CRHBP: variants seen among roughly 807,000 people sequenced by gnomAD.
CRHBP encodes corticotropin-releasing hormone-binding protein.
In CRHBP, 19 loss-of-function variants were observed where a neutral mutation model predicts 34.9. The ratio of observed to expected loss-of-function variants is 0.55; its 90% CI spans 0.38 to 0.80. The LOEUF (loss-of-function observed/expected upper bound fraction) is 0.80. Among genes scored for constraint, CRHBP ranks in the 30% least tolerant of loss-of-function variants. The pLI, the probability that CRHBP is intolerant of heterozygous loss-of-function variation, is 0.00. For missense variants in CRHBP, 328 were observed against 409.2 expected (o/e 0.80, Z 1.71); for synonymous variants, 154 against 153.4 (o/e 1.00, Z -0.03).
chr5:76,956,391 C>A (rs1282609038), intron 4 of CRHBP, among the ~76,000 whole-genome samples: 3 of 152,228 alleles, frequency 2.0e-5, no homozygotes, highest in African/African-American at 7.2e-5. Context: ...GATGGACACA[C>A]ACGTAGCTTA....
At chr5:76,953,898 A>C in intron 2 of CRHBP, 131 bp from the exon 3 acceptor site, 1 of 1,258,800 alleles carries the variant, frequency 7.9e-7, no homozygotes, top group South Asian at 1.5e-5. Flanking sequence ...AACCCAGCGC[A>C]GCCTAGGCTG....
chr5:76,969,026 CACACAT>C lies in CRHBP; in HGVS notation c.*147_*152del. ...TTGAGCGCACGCGCGCACACACACA[CACACAT>C]ACACACACGCATTAATTTTTGTACT... On this transcript the variant is annotated 3_prime_UTR_variant, in exon 7 of 7. Transcript: ENST00000274368. The C allele has an allele frequency of 1.3e-6, 1 of 762,174 alleles. No homozygotes were observed. 47.2% of individuals were successfully genotyped at this position (762,174 alleles called of 1,614,324 possible). A position where few individuals can be genotyped will look rare whatever the true frequency, so the allele number is the denominator to read the frequency against.
Position 76,975,861 on chromosome 5 carries a change from T to TATACAC in CRHBP, n.312-503_312-502insTACACA, listed in dbSNP as rs1554043517. Among the ~76,000 whole-genome samples, 15 of 107,234 alleles carry TATACAC rather than the reference T, an allele frequency of 1.4e-4. 1 individual carries two copies. The highest frequency in any genetic ancestry group is 5.3e-4 in the African/African-American group (13 of 24,656). 70.3% of individuals were successfully genotyped at this position (107,234 alleles called of 152,430 possible). A position where few individuals can be genotyped will look rare whatever the true frequency, so the allele number is the denominator to read the frequency against. On this transcript the variant is annotated intron_variant and non_coding_transcript_variant, in intron 2 of 3. Transcript: ENST00000514258. ...ATATATATATACACGCATATATATA[T>TATACAC]ACACACACATATACATGCATATATA...
Position 76,953,075 on chromosome 5 carries a change from T to C in CRHBP, c.-60T>C, listed in dbSNP as rs1745594143. ...CTAGCTCTCAGTCTGCGCGAGGGTG[T>C]AGGAAGGAAAGCCCAGGACCTCCGG... On this transcript the variant is annotated 5_prime_UTR_variant, in exon 1 of 7. Coordinates refer to ENST00000274368, the MANE Select transcript of CRHBP (RefSeq NM_001882.4). 6.4e-7 allele frequency: 1 copy of C among 1,554,234 alleles called. No individual in the cohort carries two copies. Among genetic ancestry groups the C allele is most frequent in the Non-Finnish European group, 8.9e-7 (1 of 1,125,870 alleles).
chr5:76,975,851 C>CAT (rs1488182697), intron 2 of CRHBP, among the ~76,000 whole-genome samples: 9 of 84,348 alleles, frequency 1.1e-4, no homozygotes, highest in African/African-American at 3.7e-4. Context: ...TATATACACG[C>CAT]ATATATATAT....
At chr5:76,956,339 C>T (rs894512389) in intron 4 of CRHBP, among the ~76,000 whole-genome samples, 3 of 152,216 alleles carry the variant, frequency 2.0e-5, no homozygotes, top group Non-Finnish European at 2.9e-5. Context: ...CTCAATGTTA[C>T]CTTCTGATTC....
At chr5:76,955,515 G>A in intron 3 of CRHBP, 138 bp from the exon 4 acceptor site, 2 of 665,168 alleles carry the variant, frequency 3.0e-6, no homozygotes, top group South Asian at 4.1e-5. Context: ...GAAAAGGCGA[G>A]CAGGCAGAGT....
chr5:76,961,710 C>T (rs780645980), intron 5 of CRHBP, among the ~76,000 whole-genome samples: 2 of 152,028 alleles, frequency 1.3e-5, no homozygotes, highest in Non-Finnish European at 2.9e-5. Context: ...CTGTTTAGTT[C>T]CAGTTGTATT....
rs904657188 is a variant in CRHBP, at chr5:76,968,962, C to G, written c.*77C>G. On this transcript the variant is annotated 3_prime_UTR_variant, in exon 7 of 7. Transcript: ENST00000274368. ...CATTGTGTATGATTTTGATGCACAACTAGTTAAAAGCCTTTCATACCAGTC... is the reference window on the plus strand; with the variant it reads ...CATTGTGTATGATTTTGATGCACAAGTAGTTAAAAGCCTTTCATACCAGTC... 1.3e-6 allele frequency: 2 copies of G among 1,526,026 alleles called. No individual in the cohort carries two copies. The highest frequency in any genetic ancestry group is 8.9e-7 in the Non-Finnish European group (1 of 1,118,140). The allele number at this position is 1,526,026 out of a possible 1,614,324, so 94.5% of individuals were successfully genotyped here. A position where few individuals can be genotyped will look rare whatever the true frequency, so the allele number is the denominator to read the frequency against.
chr5:76,968,671 G>A, intron 6 of CRHBP, 57 bp from the exon 7 acceptor site: 1 of 1,529,642 alleles, frequency 6.5e-7, no homozygotes, highest in Non-Finnish European at 8.9e-7. Flanking sequence ...TCATTTAAAT[G>A]ATGACTGTGT....
chr5:76,968,841 C>A lies in CRHBP; in HGVS notation c.925C>A (p.Pro309Thr). Residue 309 changes from proline (P) to threonine (T), a missense_variant, in exon 7 of 7, where the codon CCA becomes ACA. This residue lies in a region of CRHBP where 144 missense variants were observed against 216.7 expected (regional missense o/e 0.66). Transcript: ENST00000274368. ...GCTGGAGCCGTACGAGCTGGAAAAC[C>A]CAAATGGAAACAGTATCGGGGAATT... The part of the protein sequence containing the change: ...RQLEPYELEN[P>T]NGNSIGEFCL... The A allele has an allele frequency of 6.2e-7, 1 of 1,614,036 alleles. No individual in the cohort carries two copies. Among genetic ancestry groups the A allele is most frequent in the African/African-American group, 1.3e-5 (1 of 75,032 alleles).
chr5:76,962,686 TG>T (rs1745798414), intron 5 of CRHBP, among the ~76,000 whole-genome samples: 1 of 151,518 alleles, frequency 6.6e-6, no homozygotes, highest in Admixed American at 6.6e-5. Flanking sequence ...AGCTTTAGAA[TG>T]AATTCTTTTG....
intron 5 of CRHBP, among the ~76,000 whole-genome samples, chr5:76,959,194 C>T (rs889327330): frequency 6.6e-6 from 1 of 152,104 alleles, no homozygotes; most frequent in Non-Finnish European, 1.5e-5. Context: ...CTTGTACTTG[C>T]CTCTTTTACA....
chr5:76,978,316 T>G (rs1746071266), intron 3 of CRHBP, among the ~76,000 whole-genome samples: 1 of 152,214 alleles, frequency 6.6e-6, no homozygotes, highest in Admixed American at 6.5e-5. Flanking sequence ...ATACCTGGTT[T>G]CAAAGCTTCA....
intron 5 of CRHBP, among the ~76,000 whole-genome samples, chr5:76,961,996 C>T (rs1745785555): frequency 6.6e-6 from 1 of 152,170 alleles, no homozygotes; most frequent in African/African-American, 2.4e-5. Flanking sequence ...TCAAATGATC[C>T]ACCTGCCTTG....
At chr5:76,964,371 T>C (rs1223761305) in intron 6 of CRHBP, among the ~76,000 whole-genome samples, 1 of 152,246 alleles carries the variant, frequency 6.6e-6, no homozygotes, top group East Asian at 1.9e-4. Context: ...AGCTAGGCAA[T>C]GAAGCTGCAA....
chr5:76,980,321 A>G (rs1182784115), intron 3 of CRHBP, among the ~76,000 whole-genome samples: 1 of 151,896 alleles, frequency 6.6e-6, no homozygotes, highest in Non-Finnish European at 1.5e-5. Context: ...ATCTGACATC[A>G]AAGCTTGCTG....
chr5:76,958,531 G>GACCTCCT (rs1402323595), intron 4 of CRHBP, among the ~76,000 whole-genome samples: 2 of 152,060 alleles, frequency 1.3e-5, no homozygotes, highest in African/African-American at 4.8e-5. Context: ...CACAGCCCAG[G>GACCTCCT]GCCTCCTGAC....
downstream of CRHBP, among the ~76,000 whole-genome samples, chr5:76,970,504 T>C (rs1745929051): frequency 1.6e-5 from 2 of 127,392 alleles, no homozygotes; most frequent in Non-Finnish European, 3.3e-5. Context: ...AGTGACTACT[T>C]TAGCAAATGA....
Sources: gnomAD v4.1 joint callset for allele counts (sites outside exome capture counted in the v4.1 genomes callset) on GRCh38, gnomAD v4.1.1 for gene constraint, gnomAD v4.1.1 regional missense constraint, MANE v1.5 for transcripts, NCBI Gene and HGNC (gene_info 2026-07-23, HGNC 2026-07-21) for gene names.